Variants in ST7 observed in about 807,000 individuals in gnomAD.
ST7 encodes the protein suppressor of tumorigenicity 7 protein.
A neutral mutation model predicts 78.7 loss-of-function variants in ST7; 28 were observed. That is an observed-to-expected ratio of 0.36 (90% CI 0.26 to 0.49). ST7 has a LOEUF of 0.49. Ranked by LOEUF, ST7 falls within the 20% of genes least tolerant of loss-of-function variation. ST7 has a pLI of 0.99. For synonymous variants in ST7, 247 were observed against 249.6 expected, an observed-to-expected ratio of 0.99 and a Z score of 0.10; for missense variants, 418 against 696.0, an observed-to-expected ratio of 0.60 and a Z score of 4.49.
At chr7:117,160,400 G>A (rs1297085680) in intron 9 of ST7, among the ~76,000 whole-genome samples, 1 of 151,862 alleles carries the variant, frequency 6.6e-6, no homozygotes, top group Non-Finnish European at 1.5e-5. Context: ...TGTTATCCCC[G>A]TCTTACTGAT....
At chr7:117,006,534 G>A (rs1795164336) in intron 1 of ST7, among the ~76,000 whole-genome samples, 1 of 151,966 alleles carries the variant, frequency 6.6e-6, no homozygotes, top group Non-Finnish European at 1.5e-5. Context: ...TTGCATAATT[G>A]CCATTTAAAG....
chr7:117,036,059 T>C (rs57013377), intron 1 of ST7, among the ~76,000 whole-genome samples: 4,025 of 152,304 alleles, frequency 0.026, 174 homozygotes, highest in African/African-American at 0.089. Context: ...TTTCTTTTTC[T>C]GACCTGGGTG....
chr7:117,171,093 A>C, intron 10 of ST7, 117 bp downstream of exon 10: 1 of 497,788 alleles, frequency 2.0e-6, no homozygotes, highest in Admixed American at 3.9e-5. Context: ...ACTCTTATAG[A>C]ATTTTCACCT....
intron 1 of ST7, among the ~76,000 whole-genome samples, chr7:117,040,851 A>G (rs1386959021): frequency 6.6e-6 from 1 of 152,208 alleles, no homozygotes; most frequent in East Asian, 1.9e-4. Flanking sequence ...TTAATCTACT[A>G]TCTTGAAGAA....
chr7:117,141,702 A>C (rs1322699124), intron 9 of ST7, among the ~76,000 whole-genome samples: 1 of 151,084 alleles, frequency 6.6e-6, no homozygotes, highest in African/African-American at 2.4e-5. Flanking sequence ...ACAGAGTCTC[A>C]CTCTGATGCC....
chr7:117,025,426 A>G (rs1048209202), intron 1 of ST7, among the ~76,000 whole-genome samples: 2 of 152,216 alleles, frequency 1.3e-5, no homozygotes, highest in African/African-American at 4.8e-5. Context: ...ATTTAGGAAC[A>G]TGAGCCATTT....
chr7:117,097,908 A>ATATATATATATTTTTTTTTTTT, intron 1 of ST7, among the ~76,000 whole-genome samples: 2 of 30,012 alleles, frequency 6.7e-5, no homozygotes, highest in Non-Finnish European at 1.1e-4. Context: ...ATATATATAT[A>ATATATATATATTTTTTTTTTTT]TTTTTTTTTT....
Position 117,160,043 on chromosome 7 carries a change from A to G in ST7, c.964-10819A>G, listed in dbSNP as rs115417478. On this transcript the variant is annotated intron_variant, in intron 9 of 15. Coordinates refer to ENST00000323984, the MANE Select transcript of ST7 (RefSeq NM_001369598.1). Reference sequence around the variant, plus strand: ...ATGGTGAAACCCTGTCTCCCTAATAATACAAAAATTAGCCGGGTGTGTGGC... The same window carrying G: ...ATGGTGAAACCCTGTCTCCCTAATAGTACAAAAATTAGCCGGGTGTGTGGC... Among the ~76,000 whole-genome samples the G allele has an allele frequency of 6.7e-3, 1,019 of 152,076 alleles. 11 individuals carry two copies. The highest frequency in any genetic ancestry group is 0.021 in the African/African-American group (883 of 41,492).
At chr7:117,102,710 A>G (rs1801654119) in intron 2 of ST7, among the ~76,000 whole-genome samples, 1 of 152,168 alleles carries the variant, frequency 6.6e-6, no homozygotes, top group Non-Finnish European at 1.5e-5. Context: ...GAAGATGATG[A>G]GAGAAAGTAA....
At chr7:117,150,970 A>G (rs544550775) in intron 9 of ST7, among the ~76,000 whole-genome samples, 109 of 152,256 alleles carry the variant, frequency 7.2e-4, no homozygotes, top group African/African-American at 2.6e-3. Flanking sequence ...TTCACATTCA[A>G]TTAATATGTG....
At chr7:117,128,807 C>T (rs1204108232) in intron 3 of ST7, among the ~76,000 whole-genome samples, 1 of 151,836 alleles carries the variant, frequency 6.6e-6, no homozygotes, top group Non-Finnish European at 1.5e-5. Context: ...AATGAATCAC[C>T]ACGTGGCCTT....
At chr7:117,220,869 T>C (rs1793035326) in intron 14 of ST7, among the ~76,000 whole-genome samples, 1 of 152,176 alleles carries the variant, frequency 6.6e-6, no homozygotes, top group South Asian at 2.1e-4. Context: ...TCCTCCTGGA[T>C]TCCCTCCACC....
At chr7:116,976,145 A>G (rs12706130) in intron 1 of ST7, among the ~76,000 whole-genome samples, 15,422 of 152,040 alleles carry the variant, frequency 0.1, 1,079 homozygotes, top group Non-Finnish European at 0.15. Flanking sequence ...GGAGCCTGCA[A>G]TCTCAGCTAC....
rs1807446883 is a variant in ST7, at chr7:117,165,136, T to A, written c.964-5726T>A. Among the ~76,000 whole-genome samples the A allele has an allele frequency of 2.0e-5, 3 of 152,320 alleles. No individual in the cohort carries two copies. The South Asian group carries it at 6.2e-4, about 32-fold the overall frequency. On this transcript the variant is annotated intron_variant, in intron 9 of 15. Transcript: ENST00000323984. ...CTGGTTTGACAAGGCTAGAATTTAATCCTGCAGAAGACAGGAGAGGCCGGA... is the reference window on the plus strand; with the variant it reads ...CTGGTTTGACAAGGCTAGAATTTAAACCTGCAGAAGACAGGAGAGGCCGGA...
intron 1 of ST7, chr7:116,959,013 A>G: frequency 5.6e-6 from 2 of 355,114 alleles, no homozygotes; most frequent in Non-Finnish European, 1.1e-5. Flanking sequence ...CCAGAGAAAG[A>G]TTTCTCTGTA....
intron 9 of ST7, among the ~76,000 whole-genome samples, chr7:117,168,076 G>C (rs554238099): frequency 1.8e-4 from 27 of 152,286 alleles, no homozygotes; most frequent in African/African-American, 6.0e-4. Context: ...AATTAGGAAA[G>C]CTAGATTTGC....
intron 1 of ST7, among the ~76,000 whole-genome samples, chr7:117,085,653 A>G (rs1800084866): frequency 6.6e-6 from 1 of 152,222 alleles, no homozygotes; most frequent in Non-Finnish European, 1.5e-5. Context: ...AAAGATAGCT[A>G]GAGGATAGAA....
At chr7:116,959,109 A>C in intron 1 of ST7, 1 of 452,034 alleles carries the variant, frequency 2.2e-6, no homozygotes, top group Non-Finnish European at 4.4e-6. Context: ...CGGCTTTATC[A>C]ATGAAGTTTA....
chr7:117,214,371 C>G (rs1001039957), intron 13 of ST7, among the ~76,000 whole-genome samples: 1 of 151,990 alleles, frequency 6.6e-6, no homozygotes, highest in African/African-American at 2.4e-5. Context: ...AGAGTATTTC[C>G]TTTGAGAGGG....
Sources: allele counts gnomAD v4.1 joint callset (sites outside exome capture counted in the v4.1 genomes callset), GRCh38; gene constraint gnomAD v4.1.1; transcripts MANE v1.5; gene names NCBI Gene and HGNC (gene_info 2026-07-23, HGNC 2026-07-21).